Variants in CSPP1 observed in about 807,000 individuals in gnomAD.
The protein encoded by CSPP1 is centrosome and spindle pole associated protein 1.
Under a neutral mutation model 164.4 loss-of-function variants are expected in CSPP1, and 126 were observed. That is an observed-to-expected ratio of 0.77 (90% confidence interval 0.66 to 0.89). The LOEUF is 0.89. Among genes scored for constraint, CSPP1 ranks in the 40% least tolerant of loss-of-function variants. The pLI, the probability that CSPP1 is intolerant of heterozygous loss-of-function variation, is 0.00. For synonymous variants in CSPP1, 472 were observed against 476.7 expected (o/e 0.99, Z 0.13); for missense variants, 1,395 against 1,449.8 (o/e 0.96, Z 0.61).
At chr8:67,169,844 T>A (rs752373847) in intron 24 of CSPP1, among the ~76,000 whole-genome samples, 21 of 152,156 alleles carry the variant, frequency 1.4e-4, no homozygotes, top group Non-Finnish European at 2.6e-4. Context: ...CGCCTCCTGA[T>A]TCAAGTGATT....
chr8:67,188,923 C>T (rs1239684274), intron 28 of CSPP1, among the ~76,000 whole-genome samples: 1 of 152,194 alleles, frequency 6.6e-6, no homozygotes, highest in Non-Finnish European at 1.5e-5. Context: ...CCCAAGATTC[C>T]ATTCCTTGGA....
chr8:67,116,803 A>G (rs1245321608), intron 13 of CSPP1, among the ~76,000 whole-genome samples: 2 of 152,112 alleles, frequency 1.3e-5, no homozygotes, highest in East Asian at 1.9e-4. Context: ...ATTATAAAAT[A>G]TATTTAAATT....
rs1807447695 is a variant in CSPP1, at chr8:67,074,315, A to T, written c.63A>T (p.Ala21=). ...AAGCCAGATTGGCCGAAGACAAAGC[A>T]GAGTTGGAAAGTGATCCACCTTACA... ...EQKARLAEDK[A]ELESDPPYME... Residue 21 remains alanine (A), a synonymous_variant, in exon 2 of 31, where the codon GCA becomes GCT. Transcript: ENST00000678616. 1 of 1,609,812 alleles carries T rather than the reference A, an allele frequency of 6.2e-7. No individual in the cohort carries two copies. The highest frequency in any genetic ancestry group is 1.3e-5 in the African/African-American group (1 of 74,770).
intron 11 of CSPP1, 127 bp downstream of exon 11, chr8:67,113,989 A>C (rs1378853616): frequency 3.6e-6 from 2 of 563,218 alleles, no homozygotes; most frequent in Non-Finnish European, 6.5e-6. Context: ...AATAAAATTA[A>C]CTAAATTCAG....
intron 17 of CSPP1, among the ~76,000 whole-genome samples, chr8:67,141,684 C>T (rs917442540): frequency 6.6e-6 from 1 of 152,068 alleles, no homozygotes; most frequent in African/African-American, 2.4e-5. Context: ...ACCACGCCCC[C>T]CTAATTTTGT....
chr8:67,184,532 G>C (rs958201814), intron 28 of CSPP1, among the ~76,000 whole-genome samples: 3 of 150,956 alleles, frequency 2.0e-5, no homozygotes, highest in African/African-American at 7.3e-5. Flanking sequence ...GAAGTCAGGA[G>C]TTCAAGACCA....
rs1827250014 is a variant in CSPP1, at chr8:67,159,232, G to A, written c.2538+95G>A. 2.5e-6 allele frequency: 3 copies of A among 1,203,130 alleles called. No individual in the cohort carries two copies. The Admixed American group carries it at 7.0e-5, about 28-fold the overall frequency. The allele number at this position is 1,203,130 out of a possible 1,614,324, so 74.5% of individuals were successfully genotyped here. A position where few individuals can be genotyped will look rare whatever the true frequency, so the allele number is the denominator to read the frequency against. ...TGTTAGAAAAGGGGAGAAAGAGGAG[G>A]AGGTGCTTTTGTTCCTGTTCTGTCT... is the stretch of plus-strand genomic sequence containing the variant. On this transcript the variant is annotated intron_variant, in intron 21 of 30. Transcript: ENST00000678616.
At chr8:67,174,534 G>C (rs367641715) in intron 25 of CSPP1, 1 of 152,240 alleles carries the variant, frequency 6.6e-6, no homozygotes, top group East Asian at 1.9e-4. Flanking sequence ...AGGCCGAGGC[G>C]TGTGGATCAC....
At chr8:67,094,673 C>G (rs143428190) in intron 6 of CSPP1, among the ~76,000 whole-genome samples, 5 of 152,252 alleles carry the variant, frequency 3.3e-5, no homozygotes, top group South Asian at 2.1e-4. Context: ...AAGCAATCCA[C>G]TGGCCTCCAC....
Position 67,149,934 on chromosome 8 carries a change from A to G in CSPP1, c.2127A>G (p.Ser709=), listed in dbSNP as rs780714999. 2 of 1,538,184 alleles carry G rather than the reference A, an allele frequency of 1.3e-6. No homozygotes were observed. The highest frequency in any genetic ancestry group is 2.3e-5 in the Admixed American group (1 of 42,708). Residue 709 remains serine (S), a splice_region_variant and synonymous_variant, in exon 18 of 31, where the codon TCA becomes TCG. Coordinates refer to ENST00000678616, the MANE Select transcript of CSPP1 (RefSeq NM_001382391.1). ...ENLEDAANKS[S]GHMQTQSSPF... Reference sequence around the variant, plus strand: ...TAGAAGATGCTGCAAATAAAAGCTCAGGTTTTTAATCACTTTTTTTTTTTT... The same window carrying G: ...TAGAAGATGCTGCAAATAAAAGCTCGGGTTTTTAATCACTTTTTTTTTTTT...
At chr8:67,121,074 C>T (rs1316988051) in intron 15 of CSPP1, among the ~76,000 whole-genome samples, 9 of 152,000 alleles carry the variant, frequency 5.9e-5, no homozygotes, top group Admixed American at 5.9e-4. Flanking sequence ...AGGCTGGTCT[C>T]GAACTCCTGA....
intron 8 of CSPP1, among the ~76,000 whole-genome samples, chr8:67,105,169 G>A (rs1815222898): frequency 6.6e-6 from 1 of 150,496 alleles, no homozygotes; most frequent in Non-Finnish European, 1.5e-5. Context: ...GGGATTATAG[G>A]CGTGTGCCAC....
At chr8:67,165,726 CA>C (rs113452282) in intron 24 of CSPP1, among the ~76,000 whole-genome samples, 97 of 152,282 alleles carry the variant, frequency 6.4e-4, no homozygotes, top group African/African-American at 2.1e-3. Flanking sequence ...CACATTGTAT[CA>C]GGGGTACATG....
At chr8:67,155,671 C>G (rs1358839290) in intron 19 of CSPP1, among the ~76,000 whole-genome samples, 1 of 152,052 alleles carries the variant, frequency 6.6e-6, no homozygotes, top group East Asian at 1.9e-4. Flanking sequence ...GCCTGTCACC[C>G]CAGCTACTCG....
At chr8:67,177,862 G>C in intron 27 of CSPP1, 136 bp downstream of exon 27, 2 of 716,250 alleles carry the variant, frequency 2.8e-6, no homozygotes, top group Non-Finnish European at 5.1e-6. Context: ...CAGTAAAGTG[G>C]ATAGCTTGAG....
chr8:67,064,824 A>T, intron 1 of CSPP1: 2 of 103,842 alleles, frequency 1.9e-5, no homozygotes, highest in Non-Finnish European at 3.6e-5. Flanking sequence ...ACGAGTTATG[A>T]GGGTTGGGGG....
At chr8:67,118,469 C>A in intron 14 of CSPP1, 100 bp downstream of exon 14, 1 of 1,255,990 alleles carries the variant, frequency 8.0e-7, no homozygotes, top group Non-Finnish European at 1.2e-6. Context: ...AAAAGCACAA[C>A]TTTGCTTAAT....
At chr8:67,121,290 G>A (rs1040230751) in intron 15 of CSPP1, among the ~76,000 whole-genome samples, 2 of 152,242 alleles carry the variant, frequency 1.3e-5, no homozygotes, top group East Asian at 3.9e-4. Context: ...TTTCACTGTT[G>A]TGTATGATGT....
intron 17 of CSPP1, among the ~76,000 whole-genome samples, chr8:67,140,484 C>T (rs1195059452): frequency 6.6e-6 from 1 of 152,140 alleles, no homozygotes; most frequent in African/African-American, 2.4e-5. Context: ...AAGAGTGAAA[C>T]TCTTATTACT....
Sources: gnomAD v4.1 joint callset for allele counts (sites outside exome capture counted in the v4.1 genomes callset) on GRCh38, gnomAD v4.1.1 for gene constraint, MANE v1.5 for transcripts, NCBI Gene and HGNC (gene_info 2026-07-23, HGNC 2026-07-21) for gene names.